ANGPT2: variants seen among roughly 807,000 people sequenced by gnomAD.
ANGPT2 encodes angiopoietin-2.
In ANGPT2, 28 loss-of-function variants were observed where a neutral mutation model predicts 62.9. The observed-to-expected ratio is 0.44, with a 90% CI of 0.33 to 0.61. The LOEUF is 0.61. ANGPT2 is among the 20% of genes least tolerant of loss of function. The pLI, the probability that ANGPT2 is intolerant of heterozygous loss-of-function variation, is 0.03. For missense variants in ANGPT2, 727 were observed against 594.9 expected (o/e 1.22, Z -2.31); for synonymous variants, 284 against 207.8 (o/e 1.37, Z -3.15).
intron 8 of ANGPT2, among the ~76,000 whole-genome samples, chr8:6,505,378 ATTCT>A (rs1176082245): frequency 1.2e-5 from 1 of 80,628 alleles, no homozygotes; most frequent in Non-Finnish European, 2.5e-5. Flanking sequence ...GAATATATAT[ATTCT>A]TTCTATATGT....
intron 1 of ANGPT2, among the ~76,000 whole-genome samples, chr8:6,540,619 T>C (rs912655921): frequency 1.3e-5 from 2 of 152,250 alleles, no homozygotes; most frequent in Admixed American, 6.5e-5. Flanking sequence ...TATAGATATA[T>C]ACACAGCAAG....
At chr8:6,562,468 C>A (rs950437754) in intron 1 of ANGPT2, among the ~76,000 whole-genome samples, 179 bp downstream of exon 1, 1 of 148,170 alleles carries the variant, frequency 6.7e-6, no homozygotes, top group African/African-American at 2.5e-5. Flanking sequence ...TACCCACACA[C>A]CCTGGGATAG....
At chr8:6,540,734 A>G (rs1821400567) in intron 1 of ANGPT2, among the ~76,000 whole-genome samples, 1 of 152,272 alleles carries the variant, frequency 6.6e-6, no homozygotes, top group African/African-American at 2.4e-5. Context: ...TTTCCCCAAA[A>G]GCAGAGCCTG....
rs570508723 is a variant in ANGPT2, at chr8:6,501,223, C to T, written c.*1878G>A. 5.9e-5 allele frequency: 9 copies of T among 152,226 alleles called. No individual in the cohort carries two copies. In the East Asian group the frequency reaches 1.2e-3, roughly 20 times the overall value. The allele number at this position is 152,226 out of a possible 1,614,324, so 9.4% of individuals were successfully genotyped here. ...CATTGACTCCAAATATGTAGCAACA[C>T]CTGTGTGTTCTAAAACTACGTCAAG... On this transcript the variant is annotated 3_prime_UTR_variant, in exon 9 of 9. Transcript: ENST00000629816.
intron 1 of ANGPT2, among the ~76,000 whole-genome samples, chr8:6,534,834 G>T (rs1820209835): frequency 6.6e-6 from 1 of 151,986 alleles, no homozygotes; most frequent in Non-Finnish European, 1.5e-5. Flanking sequence ...TTATAAAACT[G>T]TAACTTTTGT....
At chr8:6,534,065 G>A (rs1448146810) in intron 1 of ANGPT2, among the ~76,000 whole-genome samples, 3 of 152,060 alleles carry the variant, frequency 2.0e-5, no homozygotes, top group African/African-American at 4.8e-5. Flanking sequence ...CCCTCAGCCT[G>A]GTCACTAAGG....
At chr8:6,542,328 A>G (rs1821754529) in intron 1 of ANGPT2, among the ~76,000 whole-genome samples, 1 of 150,958 alleles carries the variant, frequency 6.6e-6, no homozygotes, top group Admixed American at 6.6e-5. Flanking sequence ...GTGTGTGTGT[A>G]TGTATGTGTG....
At chr8:6,534,506 C>G (rs2129572296) in intron 1 of ANGPT2, among the ~76,000 whole-genome samples, 1 of 152,216 alleles carries the variant, frequency 6.6e-6, no homozygotes, top group African/African-American at 2.4e-5. Flanking sequence ...GTTACTCAAG[C>G]CATCCACCCG....
intron 1 of ANGPT2, among the ~76,000 whole-genome samples, chr8:6,559,343 C>A (rs1189758238): frequency 6.6e-6 from 1 of 152,048 alleles, no homozygotes; most frequent in African/African-American, 2.4e-5. Flanking sequence ...CCAGTGACGG[C>A]AGCTATGTTT....
chr8:6,539,435 A>G (rs568693287), intron 1 of ANGPT2, among the ~76,000 whole-genome samples: 203 of 152,228 alleles, frequency 1.3e-3, no homozygotes, highest in African/African-American at 3.9e-3. Context: ...TCTGGTGCCA[A>G]TTTCCTAGTG....
intron 1 of ANGPT2, among the ~76,000 whole-genome samples, chr8:6,552,415 G>C (rs530695475): frequency 2.0e-5 from 3 of 152,166 alleles, no homozygotes; most frequent in Non-Finnish European, 2.9e-5. Flanking sequence ...ACACACTTAC[G>C]ATGGTCCTTT....
chr8:6,532,529 A>G, intron 1 of ANGPT2, 42 bp from the exon 2 acceptor site: 2 of 1,468,932 alleles, frequency 1.4e-6, no homozygotes, highest in African/African-American at 1.4e-5. Flanking sequence ...TAGTCAAATG[A>G]CCGGAAACCT....
chr8:6,549,634 TACAG>T (rs1823260321), intron 1 of ANGPT2, among the ~76,000 whole-genome samples: 1 of 151,706 alleles, frequency 6.6e-6, no homozygotes, highest in Non-Finnish European at 1.5e-5. Flanking sequence ...TGCGCACAGA[TACAG>T]ACAAAGAGGG....
chr8:6,504,200 C>G (rs1812779472), intron 8 of ANGPT2, among the ~76,000 whole-genome samples: 2 of 151,540 alleles, frequency 1.3e-5, no homozygotes, highest in Admixed American at 6.6e-5. Flanking sequence ...CGCCTGTAGT[C>G]CCAGCTACTC....
At position 6,501,457 on chromosome 8, in the gene ANGPT2, T is replaced by C. The variant is rs905723539; in HGVS notation, c.*1644A>G. The C allele has an allele frequency of 6.6e-6, 1 of 152,152 alleles. No homozygotes were observed. The highest frequency in any genetic ancestry group is 1.5e-5 in the Non-Finnish European group (1 of 68,024). The allele number at this position is 152,152 out of a possible 1,614,324, so 9.4% of individuals were successfully genotyped here. A position where few individuals can be genotyped will look rare whatever the true frequency, so the allele number is the denominator to read the frequency against. ...TTACACAAATGTTCATTAGTATTAA[T>C]TGTACTATGAAAATTTCAAAAGGAG... On this transcript the variant is annotated 3_prime_UTR_variant, in exon 9 of 9. Transcript: ENST00000629816.
chr8:6,531,030 G>C (rs557222145), intron 2 of ANGPT2, among the ~76,000 whole-genome samples: 2 of 152,136 alleles, frequency 1.3e-5, no homozygotes, highest in South Asian at 2.1e-4. Flanking sequence ...ATAGCCCAGA[G>C]TAGGAAGCCA....
At chr8:6,516,286 G>A (rs904380561) in intron 5 of ANGPT2, among the ~76,000 whole-genome samples, 5 of 152,234 alleles carry the variant, frequency 3.3e-5, no homozygotes, top group African/African-American at 4.8e-5. Context: ...CAGATACTTT[G>A]TGTATATTAT....
intron 8 of ANGPT2, among the ~76,000 whole-genome samples, chr8:6,505,279 T>TAGA (rs1563305537): frequency 1.1e-3 from 28 of 25,558 alleles, no homozygotes; most frequent in East Asian, 7.2e-3. Flanking sequence ...TATGTATACA[T>TAGA]ATATATGTTA....
At chr8:6,517,446 C>T (rs114077658) in intron 5 of ANGPT2, among the ~76,000 whole-genome samples, 248 of 152,320 alleles carry the variant, frequency 1.6e-3, no homozygotes, top group African/African-American at 5.5e-3. Flanking sequence ...TGCCATCTTG[C>T]AGTCTCTCTC....
Sources: gnomAD v4.1 joint callset for allele counts (sites outside exome capture counted in the v4.1 genomes callset) on GRCh38, gnomAD v4.1.1 for gene constraint, MANE v1.5 for transcripts, NCBI Gene and HGNC (gene_info 2026-07-23, HGNC 2026-07-21) for gene names.